Variants in NELL1 observed in about 807,000 individuals in gnomAD.
NELL1 encodes the protein protein kinase C-binding protein NELL1.
Under a neutral mutation model 107.4 loss-of-function variants are expected in NELL1, and 76 were observed. The ratio of observed to expected loss-of-function variants is 0.71; its 90% CI spans 0.59 to 0.86. The LOEUF (loss-of-function observed/expected upper bound fraction) is 0.86, where lower values mean the gene tolerates loss of function less well. Ranked by LOEUF, NELL1 falls within the 40% of genes least tolerant of loss-of-function variation. The pLI is 0.00. For synonymous variants in NELL1, 353 were observed against 341.2 expected (o/e 1.03, Z -0.38); for missense variants, 1,024 against 1,005.5 (o/e 1.02, Z -0.25).
chr11:20,776,542 A>G (rs976145621), intron 2 of NELL1, among the ~76,000 whole-genome samples: 2 of 152,144 alleles, frequency 1.3e-5, no homozygotes, highest in Non-Finnish European at 2.9e-5. Flanking sequence ...AATCTCTGAC[A>G]ATTGTGATAA....
intron 12 of NELL1, among the ~76,000 whole-genome samples, chr11:21,065,303 A>G (rs1853841269): frequency 6.6e-6 from 1 of 152,142 alleles, no homozygotes; most frequent in African/African-American, 2.4e-5. Flanking sequence ...ACCATGTCCT[A>G]GGGTTTGTTA....
At position 20,669,593 on chromosome 11, in the gene NELL1, G is replaced by T. The variant is rs575198186; in HGVS notation, c.-131G>T. The T allele has an allele frequency of 2.3e-5, 16 of 687,798 alleles. No individual in the cohort carries two copies. The African/African-American group carries it at 2.8e-4, about 12-fold the overall frequency. 42.6% of individuals were successfully genotyped at this position (687,798 alleles called of 1,614,324 possible). On this transcript the variant is annotated 5_prime_UTR_variant, in exon 1 of 20. Coordinates refer to ENST00000357134, the MANE Select transcript of NELL1 (RefSeq NM_006157.5). This position sits in a 1 kb window ranked among gnomAD's most constrained non-coding sequence, Gnocchi z 4.4. ...CGCATATGCGAGCGCAGCACCCGGCGCTGCCGAGCCACCTCCCCCGCCGCC... is the reference window on the plus strand; with the variant it reads ...CGCATATGCGAGCGCAGCACCCGGCTCTGCCGAGCCACCTCCCCCGCCGCC...
At chr11:21,017,552 A>G (rs1159293356) in intron 12 of NELL1, among the ~76,000 whole-genome samples, 2 of 152,176 alleles carry the variant, frequency 1.3e-5, no homozygotes, top group South Asian at 4.2e-4. Flanking sequence ...TGTTCTCATC[A>G]GTTTAATGCA....
At chr11:20,811,431 T>C (rs1857499857) in intron 3 of NELL1, among the ~76,000 whole-genome samples, 1 of 152,162 alleles carries the variant, frequency 6.6e-6, no homozygotes, top group Non-Finnish European at 1.5e-5. Context: ...TTGAGATTTT[T>C]TGAGGTTCCA....
At chr11:20,731,955 A>G (rs563084260) in intron 2 of NELL1, among the ~76,000 whole-genome samples, 25 of 152,148 alleles carry the variant, frequency 1.6e-4, no homozygotes, top group African/African-American at 6.0e-4. Flanking sequence ...ACTTCCCTTC[A>G]TGCAAAATCA....
At chr11:21,533,309 GC>G (rs1399591378) in intron 15 of NELL1, among the ~76,000 whole-genome samples, 1 of 152,130 alleles carries the variant, frequency 6.6e-6, no homozygotes, top group East Asian at 1.9e-4. Flanking sequence ...CTGAACTGAT[GC>G]TTCTTATAGG....
At chr11:21,100,539 A>G (rs1854779015) in intron 12 of NELL1, among the ~76,000 whole-genome samples, 2 of 152,222 alleles carry the variant, frequency 1.3e-5, no homozygotes, top group Admixed American at 6.5e-5. Context: ...AAAACAGCTT[A>G]GCGGTTTCTC....
intron 3 of NELL1, among the ~76,000 whole-genome samples, chr11:20,841,319 G>GTTTTTTTTTT (rs397772940): frequency 8.1e-6 from 1 of 123,532 alleles, no homozygotes; most frequent in Non-Finnish European, 1.7e-5. Context: ...CTCTGCTCAT[G>GTTTTTTTTTT]TTTTTTTTTT....
intron 2 of NELL1, among the ~76,000 whole-genome samples, chr11:20,735,872 G>T (rs1025329376): frequency 4.6e-5 from 7 of 152,096 alleles, no homozygotes; most frequent in African/African-American, 1.7e-4. Flanking sequence ...TAACATATTT[G>T]AAAGTGGGCA....
intron 18 of NELL1, among the ~76,000 whole-genome samples, chr11:21,572,417 T>C (rs1401174067): frequency 6.6e-6 from 1 of 150,888 alleles, no homozygotes; most frequent in African/African-American, 2.5e-5. Flanking sequence ...AAGATAAACA[T>C]GGCCTATACC....
chr11:20,849,304 C>A (rs1279531737), intron 4 of NELL1, among the ~76,000 whole-genome samples: 2 of 152,212 alleles, frequency 1.3e-5, no homozygotes, highest in African/African-American at 4.8e-5. Context: ...TTTCTTCCTT[C>A]TAAGAGTTTT....
intron 14 of NELL1, among the ~76,000 whole-genome samples, chr11:21,275,420 C>T (rs1353491261): frequency 1.3e-5 from 2 of 152,042 alleles, no homozygotes; most frequent in Non-Finnish European, 2.9e-5. Flanking sequence ...AGCTTACCAA[C>T]CAAAAAAAGT....
chr11:20,960,082 TA>T (rs1297578215), intron 11 of NELL1, among the ~76,000 whole-genome samples: 2 of 152,016 alleles, frequency 1.3e-5, no homozygotes, highest in African/African-American at 4.8e-5. Flanking sequence ...TCATATATAT[TA>T]ATTTTATTAC....
intron 15 of NELL1, among the ~76,000 whole-genome samples, chr11:21,387,807 G>A (rs1025685195): frequency 4.0e-5 from 6 of 151,666 alleles, no homozygotes; most frequent in Non-Finnish European, 8.8e-5. Flanking sequence ...TCATTCTTAG[G>A]TTAATACACT....
chr11:20,919,324 T>C lies in NELL1; in HGVS notation c.749T>C (p.Met250Thr), dbSNP rs930981262. 6.3e-6 allele frequency: 10 copies of C among 1,592,554 alleles called. No homozygotes were observed. The highest frequency in any genetic ancestry group is 1.7e-4 in the Middle Eastern group (1 of 5,982). The change falls in exon 7 of 20, where the codon ATG becomes ACG. Residue 250 changes from methionine to threonine, a missense_variant. Met to Thr is a moderately conservative substitution (Grantham distance 81). Coordinates refer to ENST00000357134, the MANE Select transcript of NELL1 (RefSeq NM_006157.5). Reference sequence around the variant, plus strand: ...GATTTACAAGAGCTTTTGGCCAAGATGACTGCAAAAGTAGGTATCTAAATT... The same window carrying C: ...GATTTACAAGAGCTTTTGGCCAAGACGACTGCAAAAGTAGGTATCTAAATT... The part of the protein sequence containing the change: ...IMDLQELLAK[M>T]TAKLNYAETR...
intron 13 of NELL1, among the ~76,000 whole-genome samples, chr11:21,131,034 G>T (rs562185251): frequency 2.0e-5 from 3 of 151,126 alleles, no homozygotes; most frequent in African/African-American, 7.3e-5. Flanking sequence ...ATGTGGACTA[G>T]ACTACCACAC....
rs997389159 is a variant in NELL1, at chr11:20,826,772, C to T, written c.336-20811C>T. ...GAATCAGCCTTAGTGGAACTAATCT[C>T]GGTATTTGCCTGATACATCTTAAAT... On this transcript the variant is annotated intron_variant, in intron 3 of 19. Coordinates refer to ENST00000357134, the MANE Select transcript of NELL1 (RefSeq NM_006157.5). Among the ~76,000 whole-genome samples, 3 of 151,056 alleles carry T rather than the reference C, an allele frequency of 2.0e-5. 1 individual carries two copies. The highest frequency in any genetic ancestry group is 4.4e-5 in the Non-Finnish European group (3 of 67,524).
intron 14 of NELL1, among the ~76,000 whole-genome samples, chr11:21,258,301 T>G (rs1050275339): frequency 1.3e-5 from 2 of 152,038 alleles, no homozygotes; most frequent in Non-Finnish European, 2.9e-5. Flanking sequence ...AAGCATGGAC[T>G]GTGGAAACAG....
chr11:21,324,225 A>AT (rs1181991704), intron 14 of NELL1, among the ~76,000 whole-genome samples: 2 of 151,990 alleles, frequency 1.3e-5, no homozygotes, highest in East Asian at 1.9e-4. Context: ...AGCTCAAGAA[A>AT]TTTTTTTCCC....
Sources: allele counts gnomAD v4.1 joint callset (sites outside exome capture counted in the v4.1 genomes callset), GRCh38; gene constraint gnomAD v4.1.1; non-coding constraint Gnocchi (gnomAD v3.1); transcripts MANE v1.5; gene names NCBI Gene and HGNC (gene_info 2026-07-23, HGNC 2026-07-21).